Variants in RMP64 observed in about 807,000 individuals in gnomAD.
RMP64 encodes ribonuclease MRP subunit p64.
chr3:113,011,023 G>T, the RMP64 span: 13 of 1,561,484 alleles, frequency 8.3e-6, no homozygotes, highest in South Asian at 3.7e-5. Flanking sequence ...ACTAGAGTAT[G>T]TGCTGTATCA....
chr3:113,005,537 TAA>T, the RMP64 span: 4 of 1,590,712 alleles, frequency 2.5e-6, no homozygotes, highest in Non-Finnish European at 3.5e-6. Flanking sequence ...AACGAACATC[TAA>T]ACTCCCATTA....
chr3:113,012,727 TACATACCA>T, the RMP64 span: 1 of 1,511,258 alleles, frequency 6.6e-7, no homozygotes, highest in Non-Finnish European at 9.2e-7. Flanking sequence ...CAGAGGTATG[TACATACCA>T]TAACCTGCTC....
At chr3:113,012,343 C>G in the RMP64 span, among the ~76,000 whole-genome samples, 1 of 152,188 alleles carries the variant, frequency 6.6e-6, no homozygotes, top group Non-Finnish European at 1.5e-5. Context: ...TTTAAACGGC[C>G]TGTTGCAATA....
At chr3:113,019,634 A>G in the RMP64 span, 1 of 1,613,342 alleles carries the variant, frequency 6.2e-7, no homozygotes, top group Non-Finnish European at 8.5e-7. Flanking sequence ...GCCCGGCGGC[A>G]CCGCAGCCAT....
chr3:113,004,139 C>T, the RMP64 span: 2 of 152,178 alleles, frequency 1.3e-5, no homozygotes, highest in African/African-American at 4.8e-5. Flanking sequence ...GATACTACCA[C>T]TTGGTAGAAA....
At chr3:113,017,862 T>C in the RMP64 span, among the ~76,000 whole-genome samples, 1 of 152,240 alleles carries the variant, frequency 6.6e-6, no homozygotes. Flanking sequence ...CATTTTATCA[T>C]GGTTTAATAA....
At chr3:113,013,629 T>C in the RMP64 span, among the ~76,000 whole-genome samples, 14 of 152,148 alleles carry the variant, frequency 9.2e-5, no homozygotes, top group African/African-American at 2.9e-4. Context: ...TACTTTCATT[T>C]TTAAATATAA....
At chr3:113,007,052 C>A in the RMP64 span, among the ~76,000 whole-genome samples, 4 of 152,048 alleles carry the variant, frequency 2.6e-5, no homozygotes, top group African/African-American at 9.7e-5. Flanking sequence ...CAGTTTGCTA[C>A]CCTTCTCATT....
At chr3:113,005,299 G>A in the RMP64 span, 5 of 518,622 alleles carry the variant, frequency 9.6e-6, no homozygotes, top group Non-Finnish European at 1.4e-5. Flanking sequence ...GGTAGGCTGT[G>A]GCAGATTTTT....
the RMP64 span, among the ~76,000 whole-genome samples, chr3:113,015,827 G>A: frequency 7.3e-6 from 1 of 136,860 alleles, no homozygotes; most frequent in African/African-American, 2.7e-5. Context: ...AATGCTATAA[G>A]TACAAAGAGG....
At chr3:113,010,909 C>G in the RMP64 span, 1 of 894,872 alleles carries the variant, frequency 1.1e-6, no homozygotes, top group Non-Finnish European at 1.7e-6. Context: ...CCATACCTCT[C>G]TAATCAATAT....
At chr3:113,012,716 T>C in the RMP64 span, 1 of 1,364,100 alleles carries the variant, frequency 7.3e-7, no homozygotes, top group Non-Finnish European at 1.0e-6. Flanking sequence ...ATGAAGGATG[T>C]CAGAGGTATG....
At chr3:113,002,999 C>T in the RMP64 span, 2 of 152,334 alleles carry the variant, frequency 1.3e-5, no homozygotes, top group African/African-American at 2.4e-5. Flanking sequence ...GGAAGTGACA[C>T]ACAGGAGGTC....
At chr3:113,013,904 T>C in the RMP64 span, 25 of 1,235,448 alleles carry the variant, frequency 2.0e-5, no homozygotes, top group African/African-American at 8.9e-5. Flanking sequence ...TCACAAGACA[T>C]TGAGTTCCCA....
the RMP64 span, among the ~76,000 whole-genome samples, chr3:113,016,156 C>T: frequency 6.6e-6 from 1 of 151,976 alleles, no homozygotes; most frequent in Non-Finnish European, 1.5e-5. Flanking sequence ...CTGAAGAGGC[C>T]AGATCACAGA....
chr3:113,010,095 G>C, the RMP64 span, among the ~76,000 whole-genome samples: 1 of 152,080 alleles, frequency 6.6e-6, no homozygotes, highest in Non-Finnish European at 1.5e-5. Context: ...AACCTCAACA[G>C]GAGTAAAGGA....
At chr3:113,008,170 C>T in the RMP64 span, 1 of 1,613,756 alleles carries the variant, frequency 6.2e-7, no homozygotes, top group Non-Finnish European at 8.5e-7. Flanking sequence ...AATATACCTA[C>T]CTAGTACCTT....
At chr3:113,013,467 T>G in the RMP64 span, 118 of 1,392,192 alleles carry the variant, frequency 8.5e-5, 2 homozygotes, top group East Asian at 4.7e-4. Flanking sequence ...TTTTTGTTTT[T>G]TTTTTTTTTA....
the RMP64 span, chr3:113,011,356 A>G: frequency 6.2e-7 from 1 of 1,607,092 alleles, no homozygotes; most frequent in East Asian, 2.2e-5. Context: ...CAATCCAAAC[A>G]AAGGCTCATA....
Sources: allele counts gnomAD v4.1 joint callset (sites outside exome capture counted in the v4.1 genomes callset), GRCh38; gene constraint gnomAD v4.1.1; transcripts MANE v1.5; gene names NCBI Gene and HGNC (gene_info 2026-07-23, HGNC 2026-07-21).